Variants in VAV3 observed in about 807,000 individuals in gnomAD.
VAV3 encodes vav guanine nucleotide exchange factor 3.
In VAV3, 94 loss-of-function variants were observed where a neutral mutation model predicts 131.2. That is an observed-to-expected ratio of 0.72 (90% CI 0.61 to 0.85). VAV3 has a LOEUF of 0.85. Ranked by LOEUF, VAV3 falls within the 40% of genes least tolerant of loss-of-function variation. The probability of loss-of-function intolerance (pLI) is 0.00; values close to 1 mark genes in which losing one functional copy is unlikely to be tolerated. For missense variants in VAV3, 939 were observed against 1,002.7 expected (o/e 0.94, Z 0.86); for synonymous variants, 349 against 342.0 (o/e 1.02, Z -0.22).
intron 21 of VAV3, among the ~76,000 whole-genome samples, chr1:107,611,609 C>A (rs5776893): frequency 0.21 from 23,600 of 110,362 alleles, 2,211 homozygotes; most frequent in African/African-American, 0.27. Flanking sequence ...AAAAAAAAAA[C>A]AAACAAACAA....
At chr1:107,795,140 C>A (rs1270755175) in intron 2 of VAV3, among the ~76,000 whole-genome samples, 1 of 152,208 alleles carries the variant, frequency 6.6e-6, no homozygotes, top group African/African-American at 2.4e-5. Flanking sequence ...TCTTGCCAGC[C>A]ACTCTGAAGG....
At chr1:107,877,972 G>T (rs1670585504) in intron 1 of VAV3, among the ~76,000 whole-genome samples, 1 of 152,140 alleles carries the variant, frequency 6.6e-6, no homozygotes, top group Non-Finnish European at 1.5e-5. Context: ...CTGCCAGCCT[G>T]CCAGCAGTCC....
intron 1 of VAV3, among the ~76,000 whole-genome samples, chr1:107,906,658 T>C (rs1672122840): frequency 6.6e-6 from 1 of 151,542 alleles, no homozygotes; most frequent in Admixed American, 6.6e-5. Context: ...AAAGCAAGAC[T>C]CCATTTCAAA....
chr1:107,934,018 T>C (rs897902374), intron 1 of VAV3, among the ~76,000 whole-genome samples: 1 of 152,252 alleles, frequency 6.6e-6, no homozygotes, highest in Admixed American at 6.5e-5. Flanking sequence ...CTGGCCAGCT[T>C]TGTTGAATGC....
intron 2 of VAV3, among the ~76,000 whole-genome samples, chr1:107,870,431 T>C (rs567873695): frequency 6.6e-6 from 1 of 152,226 alleles, no homozygotes; most frequent in African/African-American, 2.4e-5. Flanking sequence ...CATTTGTATG[T>C]CTTCTTTTGA....
chr1:107,727,317 C>T (rs1353675153), intron 15 of VAV3, among the ~76,000 whole-genome samples: 5 of 152,174 alleles, frequency 3.3e-5, no homozygotes, highest in African/African-American at 7.2e-5. Flanking sequence ...ATCCAGTTTC[C>T]TATTCTGTTT....
At chr1:107,903,620 GA>G (rs993088854) in intron 1 of VAV3, among the ~76,000 whole-genome samples, 1 of 152,122 alleles carries the variant, frequency 6.6e-6, no homozygotes, top group African/African-American at 2.4e-5. Flanking sequence ...ACTCACTACA[GA>G]AGCTGAGTAT....
chr1:107,805,501 G>C (rs551806109), intron 2 of VAV3, among the ~76,000 whole-genome samples: 14 of 152,072 alleles, frequency 9.2e-5, no homozygotes, highest in Non-Finnish European at 1.6e-4. Context: ...AAATTTGTTT[G>C]ATCTTTTAAA....
At chr1:107,806,400 C>T (rs1330824283) in intron 2 of VAV3, among the ~76,000 whole-genome samples, 1 of 150,662 alleles carries the variant, frequency 6.6e-6, no homozygotes, top group Admixed American at 6.6e-5. Context: ...CACTCATCCT[C>T]ATACTGAGTT....
At chr1:107,719,228 G>A (rs1661330901) in intron 15 of VAV3, among the ~76,000 whole-genome samples, 1 of 152,176 alleles carries the variant, frequency 6.6e-6, no homozygotes, top group South Asian at 2.1e-4. Context: ...AAACTAAAGA[G>A]CTTCTGCACG....
intron 26 of VAV3, 34 bp from the exon 27 acceptor site, chr1:107,573,406 A>C: frequency 1.9e-6 from 3 of 1,613,108 alleles, no homozygotes; most frequent in Non-Finnish European, 2.5e-6. Flanking sequence ...CAGCAACATG[A>C]CTTTGTATCT....
At chr1:107,623,719 C>T (rs1463248510) in intron 20 of VAV3, among the ~76,000 whole-genome samples, 1 of 152,190 alleles carries the variant, frequency 6.6e-6, no homozygotes, top group African/African-American at 2.4e-5. Context: ...TTCCAAAATA[C>T]TCATGCACAC....
At chr1:107,790,533 T>C (rs991015622) in intron 2 of VAV3, among the ~76,000 whole-genome samples, 3 of 152,212 alleles carry the variant, frequency 2.0e-5, no homozygotes, top group African/African-American at 7.2e-5. Flanking sequence ...TGTCTCCATC[T>C]AAGGGTTCCA....
At chr1:107,583,786 T>C (rs1389414591) in intron 25 of VAV3, among the ~76,000 whole-genome samples, 18 of 152,268 alleles carry the variant, frequency 1.2e-4, no homozygotes, top group Non-Finnish European at 1.5e-4. Flanking sequence ...ACATTCCATG[T>C]TCATGGGTAG....
At chr1:107,925,396 A>T in intron 1 of VAV3, among the ~76,000 whole-genome samples, 1 of 152,234 alleles carries the variant, frequency 6.6e-6, no homozygotes, top group East Asian at 1.9e-4. Context: ...GAGCAGCATT[A>T]CTCACGATGG....
intron 1 of VAV3, among the ~76,000 whole-genome samples, chr1:107,895,543 A>T (rs1357427735): frequency 6.6e-6 from 1 of 152,156 alleles, no homozygotes; most frequent in East Asian, 1.9e-4. Context: ...TCATACAGCC[A>T]ATAGTTAGAG....
chr1:107,846,196 C>G (rs569154385), intron 2 of VAV3, among the ~76,000 whole-genome samples: 1 of 152,258 alleles, frequency 6.6e-6, no homozygotes, highest in South Asian at 2.1e-4. Context: ...TCCAGCCAAA[C>G]TAAGCTTCAT....
chr1:107,657,201 C>T lies in VAV3; in HGVS notation c.1778-14446G>A, dbSNP rs369276504. Among the ~76,000 whole-genome samples, 743 of 152,120 alleles carry T rather than the reference C, an allele frequency of 4.9e-3. 7 individuals are homozygous for T. Among genetic ancestry groups the T allele is most frequent in the African/African-American group, 0.017 (687 of 41,496 alleles). ...AACTCCTGACCTCAAGTGATCCGCC[C>T]GTCTCGGCCTCCCAAAGTGCTGGCA... On this transcript the variant is annotated intron_variant, in intron 19 of 26. Coordinates refer to ENST00000370056, the MANE Select transcript of VAV3 (RefSeq NM_006113.5).
At chr1:107,630,126 T>C (rs995917168) in intron 20 of VAV3, among the ~76,000 whole-genome samples, 1 of 152,182 alleles carries the variant, frequency 6.6e-6, no homozygotes, top group Non-Finnish European at 1.5e-5. Flanking sequence ...TTTGCAACAA[T>C]ATGATTTACA....
Sources: allele counts gnomAD v4.1 joint callset (sites outside exome capture counted in the v4.1 genomes callset), GRCh38; gene constraint gnomAD v4.1.1; transcripts MANE v1.5; gene names NCBI Gene and HGNC (gene_info 2026-07-23, HGNC 2026-07-21).